Variants in HMGB1 observed in about 807,000 individuals in gnomAD.
The protein encoded by HMGB1 is high mobility group box 1, also known as high mobility group protein B1.
For synonymous variants in HMGB1, 81 were observed against 84.0 expected (o/e 0.96, Z 0.19); for missense variants, 79 against 253.5 (o/e 0.31, Z 4.67).
chr13:30,592,986 C>G (rs1871434576), intron 1 of HMGB1, among the ~76,000 whole-genome samples: 1 of 152,040 alleles, frequency 6.6e-6, no homozygotes. Flanking sequence ...AAAGGGATTG[C>G]CTTTACTACT....
chr13:30,495,904 ATTGTGGTTCAGTTGGTCAGTGTCC>A (rs1887600999), intron 1 of HMGB1, among the ~76,000 whole-genome samples: 1 of 152,116 alleles, frequency 6.6e-6, no homozygotes, highest in East Asian at 1.9e-4. Flanking sequence ...CTTTTCTCTG[ATTGTGGTTCAGTTGGTCAGTGTCC>A]TTATCAAAAC....
rs1555231077 is a variant in HMGB1, at chr13:30,456,767, G to GC, written c.*4589_*4590insG. 12 of 103,274 alleles carry GC rather than the reference G, an allele frequency of 1.2e-4. No homozygotes were observed. In the East Asian group the frequency reaches 2.9e-3, roughly 25 times the overall value. The allele number at this position is 103,274 out of a possible 1,614,324, so 6.4% of individuals were successfully genotyped here. The stretch of plus-strand genomic sequence containing the variant: ...AATAACAGCTTTTGTGGGCGGGGGG[G>GC]GGGGGTGGTGGGGTGCAATTTATCA... On this transcript the variant is annotated 3_prime_UTR_variant, in exon 5 of 5. Transcript: ENST00000341423.
chr13:30,466,806 T>C (rs2388545), upstream of HMGB1, among the ~76,000 whole-genome samples: 11,206 of 152,280 alleles, frequency 0.074, 1,350 homozygotes, highest in African/African-American at 0.25. Context: ...GAGGCCCTGG[T>C]AGAATTAGCA....
intron 1 of HMGB1, among the ~76,000 whole-genome samples, chr13:30,601,724 C>G (rs1212770644): frequency 3.9e-5 from 1 of 25,384 alleles, no homozygotes; most frequent in Non-Finnish European, 5.7e-5. Flanking sequence ...CCAGCCTGGG[C>G]GACAGAGCGA....
chr13:30,464,615 G>A (rs1014401749), intron 1 of HMGB1: 30 of 983,808 alleles, frequency 3.0e-5, no homozygotes, highest in African/African-American at 2.8e-4. Flanking sequence ...CAGGCTCGGC[G>A]CAGGGAGAAG....
chr13:30,463,414 AT>A (rs1454378129), intron 2 of HMGB1, 62 bp from the exon 3 acceptor site: 6 of 1,544,708 alleles, frequency 3.9e-6, no homozygotes, highest in Non-Finnish European at 5.3e-6. Context: ...CTCAAAACCA[AT>A]GTCTTTTGCT....
chr13:30,465,487 A>ATTTTTTTAATTAAAAAAAAAAT (rs1565996120), intron 1 of HMGB1, among the ~76,000 whole-genome samples: 1 of 148,580 alleles, frequency 6.7e-6, no homozygotes, highest in Non-Finnish European at 1.5e-5. Context: ...CACGTTCAAA[A>ATTTTTTTAATTAAAAAAAAAAT]TTTTTTTAAT....
chr13:30,569,004 C>T (rs1484443623), intron 1 of HMGB1, among the ~76,000 whole-genome samples: 1 of 152,082 alleles, frequency 6.6e-6, no homozygotes, highest in African/African-American at 2.4e-5. Flanking sequence ...TGGTGAAACC[C>T]CATCTCTATT....
At chr13:30,538,633 TTC>T (rs1868649864) in intron 1 of HMGB1, among the ~76,000 whole-genome samples, 3 of 121,964 alleles carry the variant, frequency 2.5e-5, no homozygotes, top group Non-Finnish European at 4.8e-5. Flanking sequence ...CTCTTTCTTT[TTC>T]TTTCTTCCTT....
chr13:30,502,804 T>C (rs1228109815), intron 1 of HMGB1, among the ~76,000 whole-genome samples: 3 of 152,032 alleles, frequency 2.0e-5, no homozygotes, highest in African/African-American at 7.2e-5. Flanking sequence ...GCTTCCCAAG[T>C]AGCTGGGATT....
intron 1 of HMGB1, chr13:30,554,352 T>C: frequency 1.2e-6 from 1 of 856,280 alleles, no homozygotes; most frequent in South Asian, 1.3e-5. Context: ...ACCTTCTCTC[T>C]GGTAGACGCT....
chr13:30,505,064 G>A (rs560470642), intron 1 of HMGB1, among the ~76,000 whole-genome samples: 57 of 151,690 alleles, frequency 3.8e-4, no homozygotes, highest in East Asian at 2.1e-3. Flanking sequence ...TCTGCCTCCC[G>A]GGTTTAAGCA....
chr13:30,457,783 G>A lies in HMGB1; in HGVS notation c.*3574C>T, dbSNP rs955156482. ...CAATTCTATAACAGAGCACTATTTT[G>A]CCTCATTACTCTGGGAGCAATGTGG... is the stretch of plus-strand genomic sequence containing the variant. On this transcript the variant is annotated 3_prime_UTR_variant, in exon 5 of 5. Transcript: ENST00000341423. 1 of 152,110 alleles carries A rather than the reference G, an allele frequency of 6.6e-6. No homozygotes were observed. Among genetic ancestry groups the A allele is most frequent in the Non-Finnish European group, 1.5e-5 (1 of 68,042 alleles). The allele number at this position is 152,110 out of a possible 1,614,324, so 9.4% of individuals were successfully genotyped here.
Position 30,483,983 on chromosome 13 carries a change from G to A in HMGB1, c.-14-20289C>T, listed in dbSNP as rs143170908. Among the ~76,000 whole-genome samples, 262 of 152,258 alleles carry A rather than the reference G, an allele frequency of 1.7e-3. 1 individual carries two copies. The highest frequency in any genetic ancestry group is 6.1e-3 in the African/African-American group (253 of 41,564). On this transcript the variant is annotated intron_variant, in intron 1 of 4. Coordinates refer to the HMGB1 transcript ENST00000405805. ...GGCCCTGCTTCTCTGTCCTGCCCAT[G>A]CTGAAGCTCCCATCCTGAGCCACTG... is the stretch of plus-strand genomic sequence containing the variant.
chr13:30,508,905 A>G (rs1887929511), intron 1 of HMGB1, among the ~76,000 whole-genome samples: 1 of 152,182 alleles, frequency 6.6e-6, no homozygotes, highest in African/African-American at 2.4e-5. Flanking sequence ...TACACCTTTC[A>G]TATCTAAAAT....
chr13:30,493,930 G>A (rs577517464), intron 1 of HMGB1, among the ~76,000 whole-genome samples: 2 of 151,550 alleles, frequency 1.3e-5, no homozygotes, highest in East Asian at 1.9e-4. Flanking sequence ...ATTGGGCAAC[G>A]TAGTGAAATG....
intron 1 of HMGB1, among the ~76,000 whole-genome samples, chr13:30,594,695 C>T (rs570938568): frequency 9.9e-5 from 15 of 152,198 alleles, no homozygotes; most frequent in South Asian, 4.2e-4. Flanking sequence ...AACATCTGAG[C>T]GCAGGTGTCT....
intron 1 of HMGB1, among the ~76,000 whole-genome samples, chr13:30,563,732 G>A (rs78601212): frequency 0.025 from 3,841 of 152,290 alleles, 162 homozygotes; most frequent in African/African-American, 0.087. Flanking sequence ...ATTCTAGTTA[G>A]AAGTAACCTA....
At chr13:30,465,719 C>A in intron 1 of HMGB1, 77 bp downstream of exon 1, 2 of 805,556 alleles carry the variant, frequency 2.5e-6, no homozygotes, top group Non-Finnish European at 3.0e-6. Flanking sequence ...GGCTCCCGGC[C>A]GCGGGGATCC....
Sources: allele counts gnomAD v4.1 joint callset (sites outside exome capture counted in the v4.1 genomes callset), GRCh38; gene constraint gnomAD v4.1.1; transcripts MANE v1.5; gene names NCBI Gene and HGNC (gene_info 2026-07-23, HGNC 2026-07-21).